SLC5A10: variants seen among roughly 807,000 people sequenced by gnomAD.
SLC5A10 encodes sodium/mannose cotransporter SLC5A10.
A neutral mutation model predicts 68.9 loss-of-function variants in SLC5A10; 55 were observed. The observed-to-expected ratio is 0.80, with a 90% CI of 0.64 to 1.00. The LOEUF (loss-of-function observed/expected upper bound fraction) is 1.00, where lower values mean the gene tolerates loss of function less well. Ranked by LOEUF, SLC5A10 falls within the 50% of genes least tolerant of loss-of-function variation. The probability of loss-of-function intolerance (pLI) is 0.00; values close to 1 mark genes in which losing one functional copy is unlikely to be tolerated. For missense variants in SLC5A10, 732 were observed against 819.3 expected, an observed-to-expected ratio of 0.89 and a Z score of 1.30; for synonymous variants, 344 against 344.8, an observed-to-expected ratio of 1.00 and a Z score of 0.02.
intron 1 of SLC5A10, among the ~76,000 whole-genome samples, chr17:18,956,573 C>T (rs2042508450): frequency 6.7e-6 from 1 of 148,372 alleles, no homozygotes. Context: ...ACTTCCTGGT[C>T]TCAAGTGATC....
Position 19,017,523 on chromosome 17 carries a change from G to A in SLC5A10, c.1242-1900G>A. On this transcript the variant is annotated intron_variant, in intron 11 of 14. Transcript: ENST00000395645. The surrounding 1 kb of genome is among the most constrained non-coding windows in gnomAD (Gnocchi z 5.6). Reference sequence around the variant, plus strand: ...GGTGCAGTACCATGCCGGTGACCCTGATGGCTCTGTCCAGCTGAGCAGAGG... The same window carrying A: ...GGTGCAGTACCATGCCGGTGACCCTAATGGCTCTGTCCAGCTGAGCAGAGG... The A allele has an allele frequency of 1.2e-6, 1 of 845,742 alleles. No individual in the cohort carries two copies. Among genetic ancestry groups the A allele is most frequent in the South Asian group, 1.7e-5 (1 of 60,310 alleles). 52.4% of individuals were successfully genotyped at this position (845,742 alleles called of 1,614,324 possible).
chr17:18,977,260 C>A, intron 9 of SLC5A10: 1 of 590,020 alleles, frequency 1.7e-6, no homozygotes, highest in South Asian at 2.2e-5. Context: ...CATCTGCAAA[C>A]TAGGGACTGT....
intron 9 of SLC5A10, among the ~76,000 whole-genome samples, chr17:18,998,908 G>A (rs2043642073): frequency 1.3e-5 from 2 of 152,182 alleles, no homozygotes; most frequent in Non-Finnish European, 2.9e-5. Context: ...AGGCCACAGA[G>A]CTCACCCTGT....
chr17:18,964,653 G>T (rs1036738844), intron 5 of SLC5A10, among the ~76,000 whole-genome samples: 1 of 152,246 alleles, frequency 6.6e-6, no homozygotes, highest in Non-Finnish European at 1.5e-5. Context: ...AGGGCAGTCT[G>T]GGGTGGAAAT....
At chr17:18,977,861 C>T (rs577449943) in intron 9 of SLC5A10, 15 of 1,610,804 alleles carry the variant, frequency 9.3e-6, no homozygotes, top group Admixed American at 5.0e-5. Context: ...GCCAGGGCCA[C>T]GGCCGGAGCT....
intron 9 of SLC5A10, chr17:18,977,254 T>G (rs1286679921): frequency 1.4e-5 from 8 of 592,184 alleles, no homozygotes; most frequent in Non-Finnish European, 2.4e-5. Flanking sequence ...TTTCCTCATC[T>G]GCAAACTAGG....
chr17:18,951,922 C>T (rs2042374683), upstream of SLC5A10: 1 of 427,268 alleles, frequency 2.3e-6, no homozygotes. Context: ...GGTTCATTTT[C>T]CCCAAGCCCC....
intron 9 of SLC5A10, among the ~76,000 whole-genome samples, chr17:19,002,307 C>T (rs1051956613): frequency 6.6e-6 from 1 of 152,240 alleles, no homozygotes; most frequent in African/African-American, 2.4e-5. Flanking sequence ...GCGCCCCCAC[C>T]CAGCTAGCTG....
chr17:18,957,262 G>A (rs1462556111), intron 1 of SLC5A10, among the ~76,000 whole-genome samples: 1 of 152,160 alleles, frequency 6.6e-6, no homozygotes, highest in African/African-American at 2.4e-5. Flanking sequence ...CGGCCAGGAA[G>A]CAGGGAAGAC....
Position 19,017,634 on chromosome 17 carries a change from C to G in SLC5A10, c.1242-1789C>G. On this transcript the variant is annotated intron_variant, in intron 11 of 14. Transcript: ENST00000395645. This position sits in a 1 kb window ranked among gnomAD's most constrained non-coding sequence, Gnocchi z 5.6. ...CCCCAAGCCCCCACACCTCAGTCCA[C>G]TGTTCCGCCACTGCCCCCCTGCCCC... 1 of 503,430 alleles carries G rather than the reference C, an allele frequency of 2.0e-6. No homozygotes were observed. The highest frequency in any genetic ancestry group is 3.6e-6 in the Non-Finnish European group (1 of 276,768). The allele number at this position is 503,430 out of a possible 1,614,324, so 31.2% of individuals were successfully genotyped here. A position where few individuals can be genotyped will look rare whatever the true frequency, so the allele number is the denominator to read the frequency against.
intron 11 of SLC5A10, among the ~76,000 whole-genome samples, chr17:19,015,937 C>G (rs543639329): frequency 6.6e-6 from 1 of 152,198 alleles, no homozygotes; most frequent in Non-Finnish European, 1.5e-5. Context: ...GGCGATTTCT[C>G]AGATTTTGGT....
At chr17:18,972,698 T>C (rs1382916446) in intron 8 of SLC5A10, among the ~76,000 whole-genome samples, 1 of 151,854 alleles carries the variant, frequency 6.6e-6, no homozygotes, top group Non-Finnish European at 1.5e-5. Context: ...CCGTCTCTAC[T>C]AAAAATACAA....
At chr17:18,959,739 C>T in intron 4 of SLC5A10, 76 bp downstream of exon 4, 1 of 1,374,792 alleles carries the variant, frequency 7.3e-7, no homozygotes, top group South Asian at 1.2e-5. Flanking sequence ...GGCAGGACCA[C>T]CGTGGCCTCA....
intron 9 of SLC5A10, chr17:18,979,555 G>A: frequency 1.2e-6 from 2 of 1,613,312 alleles, no homozygotes. Flanking sequence ...TCACCTGTAG[G>A]AGCCGCACAC....
chr17:18,990,361 C>T (rs2043384605), intron 9 of SLC5A10, among the ~76,000 whole-genome samples: 1 of 152,080 alleles, frequency 6.6e-6, no homozygotes, highest in South Asian at 2.1e-4. Flanking sequence ...GCAGGGTCCT[C>T]CCTGCCTGGG....
At chr17:19,013,757 C>T (rs997290039) in intron 10 of SLC5A10, among the ~76,000 whole-genome samples, 1 of 151,412 alleles carries the variant, frequency 6.6e-6, no homozygotes, top group Middle Eastern at 3.2e-3. Context: ...GCAGGCTTGG[C>T]CATGCTGTAG....
chr17:18,955,882 T>A (rs2042487693), intron 1 of SLC5A10, among the ~76,000 whole-genome samples: 1 of 152,128 alleles, frequency 6.6e-6, no homozygotes, highest in South Asian at 2.1e-4. Context: ...GGCAACATAA[T>A]GAGACCCTGT....
chr17:18,957,036 C>A (rs2042518137), intron 1 of SLC5A10, among the ~76,000 whole-genome samples: 1 of 152,122 alleles, frequency 6.6e-6, no homozygotes, highest in African/African-American at 2.4e-5. Context: ...GTAATCCCAG[C>A]TACTCGGGAG....
At chr17:18,983,284 C>T (rs543090299) in intron 9 of SLC5A10, among the ~76,000 whole-genome samples, 1 of 152,394 alleles carries the variant, frequency 6.6e-6, no homozygotes, top group Admixed American at 6.5e-5. Flanking sequence ...CGTGAGGCAT[C>T]ACTATGGCCA....
Sources: gnomAD v4.1 joint callset for allele counts (sites outside exome capture counted in the v4.1 genomes callset) on GRCh38, gnomAD v4.1.1 for gene constraint, Gnocchi (gnomAD v3.1) non-coding constraint, MANE v1.5 for transcripts, NCBI Gene and HGNC (gene_info 2026-07-23, HGNC 2026-07-21) for gene names.